Variants in PTPRD observed in about 807,000 individuals in gnomAD.
The protein encoded by PTPRD is receptor-type tyrosine-protein phosphatase delta.
A neutral mutation model predicts 214.5 loss-of-function variants in PTPRD; 34 were observed. The ratio of observed to expected loss-of-function variants is 0.16; its 90% CI spans 0.12 to 0.21. The LOEUF is 0.21. Ranked by LOEUF, PTPRD falls within the 10% of genes least tolerant of loss-of-function variation. The pLI is 1.00. For missense variants in PTPRD, 2,545 were observed against 2,398.7 expected (o/e 1.06, Z -1.27); for synonymous variants, 1,128 against 845.7 (o/e 1.33, Z -5.79).
intron 9 of PTPRD, among the ~76,000 whole-genome samples, chr9:9,388,410 A>G (rs2064642688): frequency 6.6e-6 from 1 of 151,654 alleles, no homozygotes; most frequent in Non-Finnish European, 1.5e-5. Context: ...TAAAGGGACC[A>G]CTCTCTTCCC....
chr9:9,899,616 C>T (rs115770742), intron 5 of PTPRD, among the ~76,000 whole-genome samples: 401 of 151,684 alleles, frequency 2.6e-3, no homozygotes, highest in African/African-American at 9.4e-3. Flanking sequence ...TAAGTTAGTA[C>T]AGCTATTATG....
intron 10 of PTPRD, among the ~76,000 whole-genome samples, chr9:9,022,708 C>G (rs1369507642): frequency 6.6e-6 from 1 of 152,082 alleles, no homozygotes; most frequent in Non-Finnish European, 1.5e-5. Flanking sequence ...TCAAAGAAGT[C>G]AACATAATTT....
Position 10,517,911 on chromosome 9 carries a change from T to C in PTPRD, c.-600+94487A>G, listed in dbSNP as rs189741050. 1.9e-3 allele frequency among the ~76,000 whole-genome samples: 284 copies of C among 152,296 alleles called. 2 individuals are homozygous for C. The highest frequency in any genetic ancestry group is 6.3e-3 in the African/African-American group (264 of 41,584). ...TGAATAATTTTACTTTTCTATATGC[T>C]GAAAGATCCACTGGTTCTAAGGTAG... On this transcript the variant is annotated intron_variant, in intron 2 of 45. Coordinates refer to ENST00000381196, the MANE Select transcript of PTPRD (RefSeq NM_002839.4).
intron 5 of PTPRD, among the ~76,000 whole-genome samples, chr9:9,822,712 T>C (rs1288390068): frequency 6.6e-6 from 1 of 151,964 alleles, no homozygotes; most frequent in Non-Finnish European, 1.5e-5. Context: ...GTACTACAGA[T>C]TGAGAATCAC....
At chr9:9,443,908 G>A (rs981441248) in intron 8 of PTPRD, among the ~76,000 whole-genome samples, 4 of 152,128 alleles carry the variant, frequency 2.6e-5, no homozygotes, top group Non-Finnish European at 5.9e-5. Flanking sequence ...ACTGAAACAT[G>A]CACTTATATT....
At chr9:9,306,825 T>G (rs777187982) in intron 9 of PTPRD, among the ~76,000 whole-genome samples, 10 of 152,156 alleles carry the variant, frequency 6.6e-5, no homozygotes, top group African/African-American at 2.4e-4. Flanking sequence ...CATTTTACTA[T>G]TATAATCCAA....
intron 9 of PTPRD, among the ~76,000 whole-genome samples, chr9:9,359,296 G>C (rs942075820): frequency 1.3e-5 from 2 of 151,202 alleles, no homozygotes; most frequent in African/African-American, 2.4e-5. Flanking sequence ...ATTTTTATTA[G>C]CTGAAGCTAT....
intron 39 of PTPRD, among the ~76,000 whole-genome samples, chr9:8,358,750 T>G (rs537792002): frequency 1.3e-5 from 2 of 152,234 alleles, no homozygotes; most frequent in Non-Finnish European, 2.9e-5. Flanking sequence ...TTTATTAGAC[T>G]TCTACTAATA....
intron 3 of PTPRD, among the ~76,000 whole-genome samples, chr9:10,241,701 C>T (rs575813757): frequency 1.1e-4 from 17 of 151,734 alleles, no homozygotes; most frequent in Admixed American, 7.9e-4. Flanking sequence ...GGTGGAGGAA[C>T]GGTTATTATA....
At chr9:9,940,864 A>C (rs62536917) in intron 4 of PTPRD, among the ~76,000 whole-genome samples, 1 of 152,082 alleles carries the variant, frequency 6.6e-6, no homozygotes, top group Non-Finnish European at 1.5e-5. Context: ...ACAATCTATG[A>C]GATATGATCT....
chr9:9,552,985 T>C (rs2080683085), intron 8 of PTPRD, among the ~76,000 whole-genome samples: 1 of 152,074 alleles, frequency 6.6e-6, no homozygotes, highest in African/African-American at 2.4e-5. Flanking sequence ...TTCTTCCATT[T>C]CAAAAAATGA....
intron 14 of PTPRD, among the ~76,000 whole-genome samples, chr9:8,572,722 C>T (rs1162181755): frequency 6.6e-6 from 1 of 151,882 alleles, no homozygotes; most frequent in East Asian, 1.9e-4. Flanking sequence ...TCTAGTGTTA[C>T]TCCTTAACTT....
At chr9:9,363,241 T>A (rs913915501) in intron 9 of PTPRD, among the ~76,000 whole-genome samples, 2 of 150,672 alleles carry the variant, frequency 1.3e-5, no homozygotes, top group Non-Finnish European at 3.0e-5. Context: ...CAATTACTGA[T>A]CAACACCCCA....
chr9:10,037,590 A>AC (rs1487430326), intron 3 of PTPRD, among the ~76,000 whole-genome samples: 2 of 151,906 alleles, frequency 1.3e-5, no homozygotes, highest in African/African-American at 4.8e-5. Flanking sequence ...GAAAAAAAAA[A>AC]AAAAAAAAAC....
At chr9:8,452,492 CT>C (rs1178002568) in intron 33 of PTPRD, among the ~76,000 whole-genome samples, 3 of 152,036 alleles carry the variant, frequency 2.0e-5, no homozygotes, top group African/African-American at 7.2e-5. Flanking sequence ...AACTAGTAAC[CT>C]TTTTTCCTGA....
At chr9:9,794,479 G>A (rs1194953172) in intron 5 of PTPRD, among the ~76,000 whole-genome samples, 1 of 151,506 alleles carries the variant, frequency 6.6e-6, no homozygotes, top group African/African-American at 2.4e-5. Flanking sequence ...AATGTGGCTA[G>A]AGCAGAGAAG....
intron 3 of PTPRD, among the ~76,000 whole-genome samples, chr9:10,049,021 G>C (rs946966095): frequency 1.3e-5 from 2 of 152,068 alleles, no homozygotes; most frequent in African/African-American, 4.8e-5. Flanking sequence ...TGCAGTCCTT[G>C]AACTGGATAA....
chr9:10,481,205 C>T (rs1853232), intron 2 of PTPRD, among the ~76,000 whole-genome samples: 21,476 of 151,850 alleles, frequency 0.14, 1,630 homozygotes, highest in South Asian at 0.22. Flanking sequence ...AGGGCATAGA[C>T]GGTATATGGA....
intron 39 of PTPRD, among the ~76,000 whole-genome samples, chr9:8,349,968 G>T (rs1221688503): frequency 6.7e-6 from 1 of 149,302 alleles, no homozygotes; most frequent in Non-Finnish European, 1.5e-5. Context: ...GTAAGTGATA[G>T]ACGTTCCAGT....
Sources: allele counts gnomAD v4.1 joint callset (sites outside exome capture counted in the v4.1 genomes callset), GRCh38; gene constraint gnomAD v4.1.1; transcripts MANE v1.5; gene names NCBI Gene and HGNC (gene_info 2026-07-23, HGNC 2026-07-21).